TTC39A: variants seen among roughly 807,000 people sequenced by gnomAD.
TTC39A encodes tetratricopeptide repeat domain 39A.
In TTC39A, 46 loss-of-function variants were observed where a neutral mutation model predicts 82.3. The ratio of observed to expected loss-of-function variants is 0.56; its 90% CI spans 0.44 to 0.71. The LOEUF is 0.71. TTC39A is among the 30% of genes least tolerant of loss of function. The pLI, the probability that TTC39A is intolerant of heterozygous loss-of-function variation, is 0.00. For missense variants in TTC39A, 543 were observed against 712.9 expected, an observed-to-expected ratio of 0.76 and a Z score of 2.71; for synonymous variants, 254 against 275.2, an observed-to-expected ratio of 0.92 and a Z score of 0.76.
intron 1 of TTC39A, among the ~76,000 whole-genome samples, chr1:51,344,243 T>C (rs890579538): frequency 6.6e-6 from 1 of 152,138 alleles, no homozygotes; most frequent in Non-Finnish European, 1.5e-5. Flanking sequence ...GGGAGGACAG[T>C]TGGATTGCCC....
intron 1 of TTC39A, chr1:51,322,256 A>C: frequency 6.8e-7 from 1 of 1,470,998 alleles, no homozygotes; most frequent in Non-Finnish European, 9.0e-7. Flanking sequence ...TCCCTCCCCC[A>C]GGCCTGGACT....
rs773909012 is a variant in TTC39A at position 51,296,185 on chromosome 1, G to C, written c.1054-15C>G. ...ATGTAGGTGGCCTGTGCGAGACAGAGCAACAGCCAGGTGTGAGCAGCCCTC... is the reference window on the plus strand; with the variant it reads ...ATGTAGGTGGCCTGTGCGAGACAGACCAACAGCCAGGTGTGAGCAGCCCTC... On this transcript the variant is annotated splice_polypyrimidine_tract_variant and intron_variant, in intron 12 of 17. Coordinates refer to ENST00000680483, the MANE Select transcript of TTC39A (RefSeq NM_001297663.2). The C allele has an allele frequency of 1.3e-6, 2 of 1,574,998 alleles. No individual in the cohort carries two copies. The highest frequency in any genetic ancestry group is 1.4e-5 in the African/African-American group (1 of 74,030).
At chr1:51,305,703 G>A (rs1435729898) in intron 7 of TTC39A, 1 of 511,512 alleles carries the variant, frequency 2.0e-6, no homozygotes, top group African/African-American at 1.9e-5. Flanking sequence ...AAGGTCGGGT[G>A]CTGTGAAGGT....
chr1:51,335,845 G>A (rs565249613), upstream of TTC39A, among the ~76,000 whole-genome samples: 2 of 152,288 alleles, frequency 1.3e-5, no homozygotes, highest in Non-Finnish European at 2.9e-5. Flanking sequence ...AGCTTAAGCT[G>A]TGAAGTCAGT....
Position 51,330,462 on chromosome 1 carries a change from C to T in TTC39A, c.16G>A (p.Gly6Ser). The change falls in exon 1 of 18, where the codon GGC (glycine) becomes AGC (serine). Residue 6 changes from glycine to serine, a missense_variant. Transcript: ENST00000680483. This position sits in a 1 kb window ranked among gnomAD's most constrained non-coding sequence, Gnocchi z 4.5. ...CCCGCGGGCAGGGCTCCTGGGGCGC[C>T]GCCAGCCGAGGTCATCGCCGAGGGG... MTSAG[G>S]APGALPAGTP... The T allele has an allele frequency of 1.0e-6, 1 of 983,660 alleles. No homozygotes were observed. Among genetic ancestry groups the T allele is most frequent in the Non-Finnish European group, 1.2e-6 (1 of 830,168 alleles). The allele number at this position is 983,660 out of a possible 1,614,324, so 60.9% of individuals were successfully genotyped here.
At chr1:51,307,955 TG>T (rs201147932) in intron 6 of TTC39A, among the ~76,000 whole-genome samples, 2,075 of 152,288 alleles carry the variant, frequency 0.014, 37 homozygotes, top group African/African-American at 0.039. Flanking sequence ...CTCTGTCTTT[TG>T]GTCTACAGCT....
At chr1:51,309,531 A>C (rs1645004739) in intron 5 of TTC39A, 1 of 1,267,714 alleles carries the variant, frequency 7.9e-7, no homozygotes, top group East Asian at 2.9e-5. Flanking sequence ...TCCCAGGTAC[A>C]CATACTCTGT....
upstream of TTC39A, chr1:51,335,365 G>A (rs1213302971): frequency 1.3e-5 from 2 of 148,952 alleles, no homozygotes; most frequent in Non-Finnish European, 3.0e-5. Flanking sequence ...CCTGGCCAAC[G>A]TGGTGAAACC....
chr1:51,296,069 T>G lies in TTC39A; in HGVS notation c.1145+10A>C. Reference sequence around the variant, plus strand: ...TGGCCTACACAGTGGGAGCACGATGTGGGACCCACCGAAATAATTCCACTT... The same window carrying G: ...TGGCCTACACAGTGGGAGCACGATGGGGGACCCACCGAAATAATTCCACTT... On this transcript the variant is annotated intron_variant, in intron 13 of 17. Transcript: ENST00000680483. The G allele has an allele frequency of 6.4e-7, 1 of 1,570,534 alleles. No individual in the cohort carries two copies. The highest frequency in any genetic ancestry group is 8.6e-7 in the Non-Finnish European group (1 of 1,157,358).
chr1:51,298,014 G>A lies in TTC39A; in HGVS notation c.1054-1844C>T, dbSNP rs148946915. 5.4e-3 allele frequency: 827 copies of A among 153,468 alleles called. 1 individual carries two copies. Among genetic ancestry groups the A allele is most frequent in the Middle Eastern group, 0.01 (3 of 300 alleles). 9.5% of individuals were successfully genotyped at this position (153,468 alleles called of 1,614,324 possible). On this transcript the variant is annotated intron_variant, in intron 12 of 17. Coordinates refer to ENST00000680483, the MANE Select transcript of TTC39A (RefSeq NM_001297663.2). ...TGTGACTGCCACGTGCTGCTCCTGC[G>A]CTCCATTCTGGTGTCCTCTGAGACA... is the stretch of plus-strand genomic sequence containing the variant.
intron 2 of TTC39A, among the ~76,000 whole-genome samples, chr1:51,316,143 G>A (rs552277264): frequency 1.2e-4 from 18 of 152,180 alleles, no homozygotes; most frequent in African/African-American, 3.1e-4. Context: ...AACAGCCCAC[G>A]TCTTGCTCAG....
At chr1:51,331,313 G>A, upstream of TTC39A, 1 of 1,538,744 alleles carries the variant, frequency 6.5e-7, no homozygotes, top group Non-Finnish European at 8.8e-7. Flanking sequence ...CGAGCCCTGA[G>A]GCGGTGTCTC....
chr1:51,289,073 G>T (rs1168806985), intron 16 of TTC39A, 118 bp from the exon 17 acceptor site: 2 of 863,324 alleles, frequency 2.3e-6, no homozygotes, highest in Non-Finnish European at 3.6e-6. Context: ...GCCCTAGAAA[G>T]GCTGGGATCC....
chr1:51,300,410 G>T (rs1340821549), intron 12 of TTC39A: 1 of 152,374 alleles, frequency 6.6e-6, no homozygotes, highest in South Asian at 2.1e-4. Flanking sequence ...CAGATGACAG[G>T]TCTCCTAACA....
intron 1 of TTC39A, among the ~76,000 whole-genome samples, chr1:51,341,175 C>T (rs1286084297): frequency 1.5e-5 from 2 of 135,418 alleles, no homozygotes; most frequent in Non-Finnish European, 3.2e-5. Context: ...AAAAAATAAA[C>T]CGCCCCCCCA....
chr1:51,301,329 C>CT lies in TTC39A; in HGVS notation c.1053+242dup, dbSNP rs1644647852. 3 of 460,982 alleles carry CT rather than the reference C, an allele frequency of 6.5e-6. No homozygotes were observed. In the South Asian group the frequency reaches 1.2e-4, roughly 18 times the overall value. 28.6% of individuals were successfully genotyped at this position (460,982 alleles called of 1,614,324 possible). On this transcript the variant is annotated intron_variant, in intron 12 of 17. Transcript: ENST00000680483. ...GAACATTTCTACCACAGAAACAGTT[C>CT]TACTGGACAGAGGGAGCCATGTTTC...
At chr1:51,315,493 G>T (rs1645249465) in intron 2 of TTC39A, among the ~76,000 whole-genome samples, 1 of 152,170 alleles carries the variant, frequency 6.6e-6, no homozygotes, top group South Asian at 2.1e-4. Context: ...GATAGGGAGG[G>T]CACTGGAAGG....
At chr1:51,315,767 T>C (rs1645260397) in intron 2 of TTC39A, among the ~76,000 whole-genome samples, 1 of 152,212 alleles carries the variant, frequency 6.6e-6, no homozygotes, top group Non-Finnish European at 1.5e-5. Flanking sequence ...ACTGAGCCTT[T>C]GCACAGGCTG....
intron 2 of TTC39A, among the ~76,000 whole-genome samples, chr1:51,315,985 C>A (rs2148249667): frequency 6.6e-6 from 1 of 152,306 alleles, no homozygotes; most frequent in East Asian, 1.9e-4. Context: ...AATATTTGAA[C>A]AAATGACCCT....
Sources: gnomAD v4.1 joint callset for allele counts (sites outside exome capture counted in the v4.1 genomes callset) on GRCh38, gnomAD v4.1.1 for gene constraint, Gnocchi (gnomAD v3.1) non-coding constraint, MANE v1.5 for transcripts, NCBI Gene and HGNC (gene_info 2026-07-23, HGNC 2026-07-21) for gene names.